Variants in MACROD2 observed in about 807,000 individuals in gnomAD.
MACROD2 encodes the protein ADP-ribose glycohydrolase MACROD2.
MACROD2 carries 36 observed loss-of-function variants against 70.4 expected under a neutral mutation model. The observed-to-expected ratio is 0.51, with a 90% CI of 0.39 to 0.68. The LOEUF (loss-of-function observed/expected upper bound fraction) is 0.68, where lower values mean the gene tolerates loss of function less well. Ranked by LOEUF, MACROD2 falls within the 30% of genes least tolerant of loss-of-function variation. MACROD2 has a pLI of 0.00. For synonymous variants in MACROD2, 172 were observed against 178.8 expected (o/e 0.96, Z 0.30); for missense variants, 496 against 538.4 (o/e 0.92, Z 0.78).
At chr20:15,973,565 T>C (rs1324010961) in intron 13 of MACROD2, among the ~76,000 whole-genome samples, 4 of 152,108 alleles carry the variant, frequency 2.6e-5, no homozygotes, top group African/African-American at 9.7e-5. Flanking sequence ...ATGCAAATAA[T>C]AACAATAACT....
chr20:15,255,089 G>T (rs1429587979), intron 6 of MACROD2, among the ~76,000 whole-genome samples: 1 of 151,708 alleles, frequency 6.6e-6, no homozygotes. Context: ...TAAAAATGTT[G>T]TTTAATTTAG....
intron 5 of MACROD2, among the ~76,000 whole-genome samples, chr20:14,688,924 T>G (rs916465970): frequency 1.3e-5 from 2 of 152,222 alleles, no homozygotes; most frequent in African/African-American, 4.8e-5. Context: ...CACTTTTGCC[T>G]CTACTTCTAA....
chr20:15,423,797 A>T (rs1452071676), intron 6 of MACROD2, among the ~76,000 whole-genome samples: 8 of 152,028 alleles, frequency 5.3e-5, no homozygotes, highest in African/African-American at 1.9e-4. Context: ...ACAACATTGC[A>T]TTTATACTAC....
intron 3 of MACROD2, among the ~76,000 whole-genome samples, chr20:14,492,628 AG>A (rs1414412175): frequency 6.6e-6 from 1 of 152,136 alleles, no homozygotes; most frequent in African/African-American, 2.4e-5. Context: ...TTCACAAAGA[AG>A]GGGAGTTTGG....
At chr20:14,381,496 T>A (rs1390551457) in intron 3 of MACROD2, among the ~76,000 whole-genome samples, 1 of 152,180 alleles carries the variant, frequency 6.6e-6, no homozygotes, top group African/African-American at 2.4e-5. Flanking sequence ...GATCTTTGTT[T>A]CAGTTGTTAT....
At chr20:15,281,437 G>C (rs1489652136) in intron 6 of MACROD2, among the ~76,000 whole-genome samples, 2 of 152,168 alleles carry the variant, frequency 1.3e-5, no homozygotes, top group Non-Finnish European at 2.9e-5. Flanking sequence ...TTACTTCCTA[G>C]ATACAATGGG....
chr20:15,811,998 G>A (rs1454242777), intron 8 of MACROD2, among the ~76,000 whole-genome samples: 1 of 152,260 alleles, frequency 6.6e-6, no homozygotes, highest in East Asian at 1.9e-4. Context: ...CCAGGAAGGA[G>A]CCCACCAGTT....
At chr20:14,916,594 T>TA (rs778271707) in intron 5 of MACROD2, among the ~76,000 whole-genome samples, 6 of 152,040 alleles carry the variant, frequency 3.9e-5, no homozygotes, top group Non-Finnish European at 1.5e-5. Context: ...TTGAAATGGA[T>TA]AAAAAATAAA....
intron 5 of MACROD2, among the ~76,000 whole-genome samples, chr20:14,980,330 C>T (rs2074785505): frequency 1.3e-5 from 2 of 152,070 alleles, no homozygotes; most frequent in African/African-American, 4.8e-5. Context: ...AGCTAGCAAG[C>T]TCAGCCCCCT....
intron 3 of MACROD2, among the ~76,000 whole-genome samples, chr20:14,392,450 A>G (rs1217301991): frequency 1.3e-5 from 2 of 152,124 alleles, no homozygotes; most frequent in South Asian, 2.1e-4. Flanking sequence ...ATTTCCTTTG[A>G]GAGGGTTTTA....
At chr20:15,083,597 T>G (rs1277329189) in intron 5 of MACROD2, among the ~76,000 whole-genome samples, 5 of 96,938 alleles carry the variant, frequency 5.2e-5, no homozygotes, top group Admixed American at 1.1e-4. Flanking sequence ...TCAACAATAA[T>G]TTTTTTTTTT....
chr20:15,677,979 G>T (rs1377083175), intron 8 of MACROD2, among the ~76,000 whole-genome samples: 1 of 151,700 alleles, frequency 6.6e-6, no homozygotes, highest in Non-Finnish European at 1.5e-5. Flanking sequence ...GCAGGAGAAT[G>T]ACTTGAACCC....
intron 3 of MACROD2, among the ~76,000 whole-genome samples, chr20:14,133,961 G>T (rs945539910): frequency 2.0e-5 from 3 of 152,196 alleles, no homozygotes; most frequent in African/African-American, 7.2e-5. Flanking sequence ...TTTTGGCCCA[G>T]CTAGAGATAA....
intron 4 of MACROD2, among the ~76,000 whole-genome samples, chr20:14,633,851 A>G (rs1600482221): frequency 6.6e-6 from 1 of 152,122 alleles, no homozygotes; most frequent in Non-Finnish European, 1.5e-5. Context: ...TGGCCACCTC[A>G]TGTTAGTATT....
At chr20:14,914,679 A>G (rs1320598958) in intron 5 of MACROD2, among the ~76,000 whole-genome samples, 2 of 152,220 alleles carry the variant, frequency 1.3e-5, no homozygotes, top group East Asian at 1.9e-4. Flanking sequence ...ATAAGAATTT[A>G]TCTATAAAAA....
At chr20:14,764,348 G>A (rs943630519) in intron 5 of MACROD2, among the ~76,000 whole-genome samples, 1 of 151,996 alleles carries the variant, frequency 6.6e-6, no homozygotes, top group African/African-American at 2.4e-5. Flanking sequence ...CCGTCCTCTT[G>A]GTGATTTGAC....
chr20:14,277,285 TA>T (rs2082267660), intron 3 of MACROD2, among the ~76,000 whole-genome samples: 1 of 151,918 alleles, frequency 6.6e-6, no homozygotes, highest in Non-Finnish European at 1.5e-5. Context: ...CCGTCTCTAC[TA>T]AAAATACAAA....
intron 5 of MACROD2, among the ~76,000 whole-genome samples, chr20:14,732,141 A>G (rs981339794): frequency 6.6e-6 from 1 of 152,190 alleles, no homozygotes; most frequent in African/African-American, 2.4e-5. Context: ...GAAAGGGAAT[A>G]TTTATAGTCC....
At chr20:14,540,775 A>G (rs770973906) in intron 4 of MACROD2, among the ~76,000 whole-genome samples, 2 of 152,226 alleles carry the variant, frequency 1.3e-5, no homozygotes, top group Non-Finnish European at 2.9e-5. Flanking sequence ...CAGCACCCTT[A>G]GAGAGGCTGG....
Sources: gnomAD v4.1 joint callset for allele counts (sites outside exome capture counted in the v4.1 genomes callset) on GRCh38, gnomAD v4.1.1 for gene constraint, MANE v1.5 for transcripts, NCBI Gene and HGNC (gene_info 2026-07-23, HGNC 2026-07-21) for gene names.